ENOSF1: variants seen among roughly 807,000 people sequenced by gnomAD.
ENOSF1 encodes enolase superfamily member 1.
Under a neutral mutation model 68.2 loss-of-function variants are expected in ENOSF1, and 73 were observed. The ratio of observed to expected loss-of-function variants is 1.07; its 90% CI spans 0.89 to 1.30. The LOEUF is 1.30. ENOSF1 is among the 50% of genes most tolerant of loss of function. ENOSF1 has a pLI of 0.00. For missense variants in ENOSF1, 589 were observed against 554.5 expected (o/e 1.06, Z -0.62); for synonymous variants, 223 against 210.4 (o/e 1.06, Z -0.52).
rs1019114425 is a variant in ENOSF1 at position 670,505 on chromosome 18, T to C, written c.*3800A>G. ...GACACCTGCAGAAACCTTGCACCGATGGATAGTCTCCCTCAGCTCCGTGCC... is the reference window on the plus strand; with the variant it reads ...GACACCTGCAGAAACCTTGCACCGACGGATAGTCTCCCTCAGCTCCGTGCC... On this transcript the variant is annotated 3_prime_UTR_variant, in exon 16 of 16. Transcript: ENST00000647584. The C allele has an allele frequency of 9.9e-6, 6 of 604,924 alleles. No homozygotes were observed. Among genetic ancestry groups the C allele is most frequent in the African/African-American group, 3.7e-5 (2 of 53,902 alleles). The allele number at this position is 604,924 out of a possible 1,614,324, so 37.5% of individuals were successfully genotyped here.
intron 2 of ENOSF1, among the ~76,000 whole-genome samples, chr18:698,692 C>T (rs2078004342): frequency 6.6e-6 from 1 of 152,082 alleles, no homozygotes; most frequent in Non-Finnish European, 1.5e-5. Context: ...GGGATCTAGG[C>T]TCATTGCAAT....
intron 11 of ENOSF1, among the ~76,000 whole-genome samples, chr18:682,310 C>T (rs2076154374): frequency 1.3e-5 from 2 of 152,166 alleles, no homozygotes; most frequent in South Asian, 2.1e-4. Context: ...CAAACCTGTA[C>T]AGCATGCTAC....
Position 678,828 on chromosome 18 carries a change from C to T in ENOSF1, c.877-91G>A, listed in dbSNP as rs548978698. On this transcript the variant is annotated intron_variant, in intron 11 of 15. Coordinates refer to ENST00000647584, the MANE Select transcript of ENOSF1 (RefSeq NM_017512.7). The stretch of plus-strand genomic sequence containing the variant: ...AAACATTTATAGCTGAAGGAGGAAA[C>T]GGCCCTGCTGTTAAGCCATGTGAAG... The T allele has an allele frequency of 4.2e-4, 586 of 1,407,742 alleles. 1 individual carries two copies. The highest frequency in any genetic ancestry group is 5.5e-4 in the Non-Finnish European group (552 of 998,928). 87.2% of individuals were successfully genotyped at this position (1,407,742 alleles called of 1,614,324 possible).
At chr18:692,107 T>C (rs12968082) in intron 5 of ENOSF1, 32,945 of 152,088 alleles carry the variant, frequency 0.22, 4,036 homozygotes, top group East Asian at 0.33. Context: ...ACACAGTGGG[T>C]GAACCGGGAG....
At position 672,663 on chromosome 18, in the gene ENOSF1, ACT is replaced by A. The variant is rs2075117209; in HGVS notation, c.*1640_*1641del. ...TGTGTAATGTCACAAAATACCCCTC[ACT>A]CTCGATCTGTGCAAGAGAACAGCTG... On this transcript the variant is annotated 3_prime_UTR_variant, in exon 16 of 16. Coordinates refer to ENST00000647584, the MANE Select transcript of ENOSF1 (RefSeq NM_017512.7). 2.2e-6 allele frequency: 1 copy of A among 446,910 alleles called. No homozygotes were observed. Among genetic ancestry groups the A allele is most frequent in the African/African-American group, 2.0e-5 (1 of 51,020 alleles). The allele number at this position is 446,910 out of a possible 1,614,324, so 27.7% of individuals were successfully genotyped here. A position where few individuals can be genotyped will look rare whatever the true frequency, so the allele number is the denominator to read the frequency against.
At chr18:668,300 G>A (rs2847150), downstream of ENOSF1, among the ~76,000 whole-genome samples, 60,792 of 151,858 alleles carry the variant, frequency 0.4, 13,369 homozygotes, top group East Asian at 0.68. Flanking sequence ...AAAATTTTGA[G>A]AACTACTGAA....
intron 1 of ENOSF1, among the ~76,000 whole-genome samples, chr18:709,448 G>A (rs1222950044): frequency 2.0e-5 from 3 of 152,172 alleles, no homozygotes; most frequent in African/African-American, 7.2e-5. Flanking sequence ...AATTCACAGA[G>A]AAGAAAGGAA....
At chr18:667,733 G>A (rs1333042963), downstream of ENOSF1, 1 of 152,194 alleles carries the variant, frequency 6.6e-6, no homozygotes, top group African/African-American at 2.4e-5. Flanking sequence ...GCTGCTGCGT[G>A]GGCCAAGTTA....
chr18:690,567 T>C lies in ENOSF1; in HGVS notation c.600A>G (p.Ser200=), dbSNP rs1236901089. Residue 200 remains serine, a synonymous_variant, in exon 8 of 16, where the codon TCA becomes TCG. Transcript: ENST00000647584. The stretch of plus-strand genomic sequence containing the variant: ...TGCCCACCTGCTTCAACGTGTCATC[T>C]GAGTACCCCAGCCAGGCGCACGATG... ...YTTSCAWLGY[S]DDTLKQLCAQ... is the part of the protein sequence containing the mutation. 5 of 1,614,032 alleles carry C rather than the reference T, an allele frequency of 3.1e-6. No homozygotes were observed. Among genetic ancestry groups the C allele is most frequent in the Admixed American group, 1.7e-5 (1 of 60,010 alleles).
chr18:699,478 A>AAAT (rs147506890), intron 2 of ENOSF1, among the ~76,000 whole-genome samples: 3,461 of 149,080 alleles, frequency 0.023, 66 homozygotes, highest in Admixed American at 0.047. Context: ...GCCCTGTCTC[A>AAAT]AATAATAATA....
chr18:694,355 A>G, intron 3 of ENOSF1, 21 bp from the exon 4 acceptor site: 7 of 1,612,716 alleles, frequency 4.3e-6, no homozygotes, highest in Non-Finnish European at 5.9e-6. Context: ...AGCAAAGTAC[A>G]AAAGCACTTT....
chr18:703,835 T>C (rs972994805), intron 2 of ENOSF1, among the ~76,000 whole-genome samples: 1 of 152,088 alleles, frequency 6.6e-6, no homozygotes, highest in African/African-American at 2.4e-5. Flanking sequence ...ATCTTGGAGG[T>C]GGATTTCTCC....
chr18:704,752 T>C (rs1404181987), intron 2 of ENOSF1, among the ~76,000 whole-genome samples: 2 of 151,954 alleles, frequency 1.3e-5, no homozygotes, highest in Non-Finnish European at 1.5e-5. Context: ...ATTACAGCCA[T>C]GCATCACCAC....
intron 1 of ENOSF1, among the ~76,000 whole-genome samples, chr18:708,494 G>C (rs1450010808): frequency 6.6e-6 from 1 of 152,124 alleles, no homozygotes; most frequent in African/African-American, 2.4e-5. Flanking sequence ...AACAAAGCGA[G>C]ACCCCATCTC....
intron 11 of ENOSF1, among the ~76,000 whole-genome samples, chr18:681,003 G>A (rs992791405): frequency 6.6e-6 from 1 of 151,998 alleles, no homozygotes; most frequent in African/African-American, 2.4e-5. Context: ...GGCGGATCAC[G>A]AGGTCAGAAG....
intron 12 of ENOSF1, chr18:678,261 C>T (rs1331597229): frequency 2.6e-5 from 7 of 272,024 alleles, no homozygotes; most frequent in South Asian, 5.3e-5. Context: ...CTCCTTTTGC[C>T]GGGAAAACTG....
chr18:710,391 T>C (rs1344828719), intron 1 of ENOSF1, among the ~76,000 whole-genome samples: 1 of 152,144 alleles, frequency 6.6e-6, no homozygotes, highest in Non-Finnish European at 1.5e-5. Context: ...ATTATAGGCT[T>C]GAACCACCAC....
chr18:664,156 A>G, the ENOSF1 span, among the ~76,000 whole-genome samples: 1 of 151,914 alleles, frequency 6.6e-6, no homozygotes, highest in Admixed American at 6.6e-5. Flanking sequence ...TGAGCATGGA[A>G]TGGTCTTCCA....
chr18:678,857 C>T, intron 11 of ENOSF1, 120 bp from the exon 12 acceptor site: 1 of 992,300 alleles, frequency 1.0e-6, no homozygotes, highest in South Asian at 1.4e-5. Context: ...TGTGAAGGCT[C>T]AAGACTGGCA....
Sources: allele counts gnomAD v4.1 joint callset (sites outside exome capture counted in the v4.1 genomes callset), GRCh38; gene constraint gnomAD v4.1.1; transcripts MANE v1.5; gene names NCBI Gene and HGNC (gene_info 2026-07-23, HGNC 2026-07-21).